The following WDR70 variants were observed in gnomAD, a reference collection of about 807,000 sequenced individuals.
WDR70 encodes WD repeat-containing protein 70.
A neutral mutation model predicts 88.6 loss-of-function variants in WDR70; 53 were observed. The ratio of observed to expected loss-of-function variants is 0.60; its 90% CI spans 0.48 to 0.75. The LOEUF is 0.75. Among genes scored for constraint, WDR70 ranks in the 30% least tolerant of loss-of-function variants. The pLI is 0.00. For missense variants in WDR70, 610 were observed against 823.2 expected, an observed-to-expected ratio of 0.74 and a Z score of 3.17; for synonymous variants, 280 against 270.0, an observed-to-expected ratio of 1.04 and a Z score of -0.36.
At chr5:37,533,234 G>T (rs1389480587) in intron 9 of WDR70, among the ~76,000 whole-genome samples, 2 of 152,192 alleles carry the variant, frequency 1.3e-5, no homozygotes, top group African/African-American at 4.8e-5. Context: ...TTTTGTGTTG[G>T]TTGGCCTCCA....
At chr5:37,560,019 T>A (rs1019336881) in intron 9 of WDR70, among the ~76,000 whole-genome samples, 2 of 152,166 alleles carry the variant, frequency 1.3e-5, no homozygotes, top group Non-Finnish European at 2.9e-5. Flanking sequence ...CTAATAACTT[T>A]CAGATTTTTA....
At chr5:37,611,796 TAA>T (rs77585864) in intron 10 of WDR70, among the ~76,000 whole-genome samples, 23 of 146,124 alleles carry the variant, frequency 1.6e-4, no homozygotes, top group African/African-American at 3.8e-4. Context: ...TTTTTTTTTT[TAA>T]AAAAAAACTT....
At chr5:37,422,714 G>A (rs949452194) in intron 5 of WDR70, among the ~76,000 whole-genome samples, 2 of 152,022 alleles carry the variant, frequency 1.3e-5, no homozygotes, top group Non-Finnish European at 2.9e-5. Context: ...CCGACCTCAG[G>A]TGATCCGCCT....
chr5:37,698,018 C>G, intron 11 of WDR70: 1 of 307,638 alleles, frequency 3.3e-6, no homozygotes, highest in South Asian at 4.3e-5. Context: ...AGTTTGAAGC[C>G]TCCACAAATG....
chr5:37,709,452 A>T (rs989653102), intron 13 of WDR70, among the ~76,000 whole-genome samples: 5 of 152,242 alleles, frequency 3.3e-5, no homozygotes, highest in Non-Finnish European at 7.3e-5. Flanking sequence ...GTGATAGGAC[A>T]GTATACCTAA....
At chr5:37,380,534 G>C (rs1748394398) in intron 2 of WDR70, among the ~76,000 whole-genome samples, 1 of 152,022 alleles carries the variant, frequency 6.6e-6, no homozygotes, top group South Asian at 2.1e-4. Flanking sequence ...AGTAGAGACA[G>C]GGTTTCACCG....
intron 5 of WDR70, among the ~76,000 whole-genome samples, chr5:37,433,585 C>T (rs769340385): frequency 1.3e-5 from 2 of 152,186 alleles, no homozygotes; most frequent in African/African-American, 2.4e-5. Context: ...ATAACACATA[C>T]ACCCTTGCTC....
intron 17 of WDR70, among the ~76,000 whole-genome samples, chr5:37,727,950 CAG>C (rs1748027983): frequency 6.6e-6 from 1 of 152,050 alleles, no homozygotes; most frequent in Non-Finnish European, 1.5e-5. Context: ...AGAAATAGTA[CAG>C]AGAGTACATA....
intron 5 of WDR70, among the ~76,000 whole-genome samples, chr5:37,415,423 C>T (rs1331674104): frequency 1.0e-5 from 1 of 95,462 alleles, no homozygotes; most frequent in African/African-American, 2.9e-5. Flanking sequence ...GACCCCCCCA[C>T]CTCCCTCCCG....
intron 10 of WDR70, among the ~76,000 whole-genome samples, chr5:37,649,927 C>G (rs888954187): frequency 1.4e-5 from 2 of 141,342 alleles, no homozygotes; most frequent in East Asian, 2.1e-4. Context: ...TTAGTAGAGG[C>G]GGGGTTTCAC....
chr5:37,426,607 A>G (rs371468588), intron 5 of WDR70, among the ~76,000 whole-genome samples: 249 of 152,242 alleles, frequency 1.6e-3, no homozygotes, highest in African/African-American at 5.8e-3. Context: ...CTCCGTTGAA[A>G]CTTGGGGAAA....
rs1187785099 is a variant in WDR70 at position 37,386,288 on chromosome 5, C to G, written c.175+4603C>G. 2.0e-5 allele frequency among the ~76,000 whole-genome samples: 3 copies of G among 152,296 alleles called. No individual in the cohort carries two copies. The East Asian group carries it at 5.8e-4, about 29-fold the overall frequency. On this transcript the variant is annotated intron_variant, in intron 3 of 17. Transcript: ENST00000265107. ...TATTTACCATTTTAAGCATATAATA[C>G]AACATGTTTTGAACAAGGATTGTCT...
intron 9 of WDR70, among the ~76,000 whole-genome samples, chr5:37,579,914 A>G (rs951523412): frequency 2.0e-5 from 3 of 152,114 alleles, no homozygotes; most frequent in African/African-American, 4.8e-5. Context: ...TTGCTGTCCT[A>G]GGACTTTTAG....
At chr5:37,453,538 C>G (rs1314235545) in intron 7 of WDR70, among the ~76,000 whole-genome samples, 2 of 152,140 alleles carry the variant, frequency 1.3e-5, no homozygotes, top group Admixed American at 1.3e-4. Context: ...TGTTCCTTGC[C>G]CTCATTCCGG....
At position 37,649,229 on chromosome 5, in the gene WDR70, T is replaced by C. The variant is rs1745323616; in HGVS notation, c.1092+43991T>C. On this transcript the variant is annotated intron_variant, in intron 10 of 17. Transcript: ENST00000265107. ...ATATAAAGTGGAAGATGGAAGTCTT[T>C]CCAAGAGATAATGACCATTCAGCTG... 1.3e-5 allele frequency among the ~76,000 whole-genome samples: 2 copies of C among 151,988 alleles called. 1 individual carries two copies. The highest frequency in any genetic ancestry group is 4.2e-4 in the South Asian group (2 of 4,814).
intron 9 of WDR70, among the ~76,000 whole-genome samples, chr5:37,571,099 GA>G (rs1561906888): frequency 6.6e-6 from 1 of 152,090 alleles, no homozygotes; most frequent in Non-Finnish European, 1.5e-5. Context: ...GGTAGTGCTT[GA>G]AAATGTTTGT....
chr5:37,514,374 T>TATATATA (rs1561882707), intron 8 of WDR70, among the ~76,000 whole-genome samples: 3 of 17,274 alleles, frequency 1.7e-4, no homozygotes, highest in Admixed American at 2.7e-3. Context: ...GTATGTATGT[T>TATATATA]TATGTATTTT....
At chr5:37,389,007 C>G (rs1256002618) in intron 3 of WDR70, among the ~76,000 whole-genome samples, 2 of 151,580 alleles carry the variant, frequency 1.3e-5, no homozygotes, top group African/African-American at 4.8e-5. Context: ...GCCTAGAGTA[C>G]AAATGCTGCT....
intron 10 of WDR70, among the ~76,000 whole-genome samples, chr5:37,683,294 C>T (rs1267792392): frequency 6.6e-6 from 1 of 152,124 alleles, no homozygotes; most frequent in Non-Finnish European, 1.5e-5. Flanking sequence ...CCACTCTGTG[C>T]CTTTTAATTG....
Sources: allele counts gnomAD v4.1 joint callset (sites outside exome capture counted in the v4.1 genomes callset), GRCh38; gene constraint gnomAD v4.1.1; transcripts MANE v1.5; gene names NCBI Gene and HGNC (gene_info 2026-07-23, HGNC 2026-07-21).